SNX24: variants seen among roughly 807,000 people sequenced by gnomAD.
SNX24 encodes sorting nexin-24.
Under a neutral mutation model 28.7 loss-of-function variants are expected in SNX24, and 22 were observed. The ratio of observed to expected loss-of-function variants is 0.77; its 90% CI spans 0.55 to 1.10. SNX24 has a LOEUF of 1.10. SNX24 is among the 50% of genes least tolerant of loss of function. The pLI, the probability that SNX24 is intolerant of heterozygous loss-of-function variation, is 0.00. For synonymous variants in SNX24, 69 were observed against 71.5 expected (o/e 0.96, Z 0.18); for missense variants, 221 against 201.1 (o/e 1.10, Z -0.60).
At chr5:122,913,631 G>A (rs1320268179) in intron 1 of SNX24, among the ~76,000 whole-genome samples, 10 of 152,174 alleles carry the variant, frequency 6.6e-5, no homozygotes, top group Admixed American at 4.6e-4. Flanking sequence ...CAGACGGGGC[G>A]GCTGCCAGGC....
At chr5:122,967,249 T>TCAG in intron 3 of SNX24, among the ~76,000 whole-genome samples, 1 of 152,188 alleles carries the variant, frequency 6.6e-6, no homozygotes, top group African/African-American at 2.4e-5. Context: ...CCATACTAGC[T>TCAG]CAGCAGCAGC....
Position 122,896,872 on chromosome 5 carries a change from T to C in SNX24, c.61-39862T>C, listed in dbSNP as rs144981525. On this transcript the variant is annotated intron_variant, in intron 1 of 6. Transcript: ENST00000261369. Reference sequence around the variant, plus strand: ...GTGACTCCCTTCAGCCAAACATTGATCTTAGTAAGGTCTGAGGTTTAACTC... The same window carrying C: ...GTGACTCCCTTCAGCCAAACATTGACCTTAGTAAGGTCTGAGGTTTAACTC... 6.9e-4 allele frequency among the ~76,000 whole-genome samples: 105 copies of C among 152,330 alleles called. 1 individual carries two copies. The highest frequency in any genetic ancestry group is 2.4e-3 in the African/African-American group (101 of 41,584).
intron 2 of SNX24, among the ~76,000 whole-genome samples, chr5:122,938,462 C>G (rs1396479953): frequency 6.6e-6 from 1 of 152,112 alleles, no homozygotes; most frequent in Non-Finnish European, 1.5e-5. Flanking sequence ...ATATTGTTGG[C>G]AGCCTTGTTA....
intron 1 of SNX24, among the ~76,000 whole-genome samples, chr5:122,890,831 A>G (rs905517196): frequency 1.4e-4 from 21 of 152,120 alleles, no homozygotes; most frequent in African/African-American, 4.8e-4. Flanking sequence ...TACCCAATAT[A>G]TCTTTCAGGA....
intron 1 of SNX24, among the ~76,000 whole-genome samples, chr5:122,889,032 T>C (rs1472704853): frequency 6.6e-6 from 1 of 152,162 alleles, no homozygotes; most frequent in Non-Finnish European, 1.5e-5. Context: ...TTTGTATTTT[T>C]GGTAGAGATG....
chr5:122,961,232 A>C (rs1037708235), intron 3 of SNX24, among the ~76,000 whole-genome samples: 2 of 152,072 alleles, frequency 1.3e-5, no homozygotes, highest in African/African-American at 4.8e-5. Context: ...TGCCACCCTA[A>C]CCCTGACAAC....
intron 2 of SNX24, among the ~76,000 whole-genome samples, chr5:122,940,395 G>C: frequency 6.6e-6 from 1 of 152,038 alleles, no homozygotes. Flanking sequence ...CTCTGCTGCA[G>C]ACCAGTTTTC....
chr5:122,871,813 C>G (rs1340233211), intron 1 of SNX24, among the ~76,000 whole-genome samples: 2 of 152,010 alleles, frequency 1.3e-5, no homozygotes, highest in East Asian at 3.9e-4. Context: ...CCTCATCCTG[C>G]TCGAGGAAGT....
intron 1 of SNX24, among the ~76,000 whole-genome samples, chr5:122,883,951 C>T (rs188274289): frequency 1.2e-4 from 19 of 152,260 alleles, no homozygotes; most frequent in Non-Finnish European, 1.8e-4. Flanking sequence ...CAGTACTCCT[C>T]GCCACATCAT....
chr5:123,003,419 A>G (rs1286349542), intron 6 of SNX24, among the ~76,000 whole-genome samples: 1 of 152,242 alleles, frequency 6.6e-6, no homozygotes, highest in Non-Finnish European at 1.5e-5. Context: ...ATATTTAACA[A>G]ATATTCATAA....
chr5:123,028,706 G>T, intron 5 of SNX24: 3 of 1,252,250 alleles, frequency 2.4e-6, no homozygotes, highest in Non-Finnish European at 3.4e-6. Context: ...CAACAGACTG[G>T]GTTCATATAC....
chr5:123,026,040 CT>C, intron 5 of SNX24: 1 of 1,332,018 alleles, frequency 7.5e-7, no homozygotes, highest in Non-Finnish European at 1.0e-6. Flanking sequence ...AACATAAGGC[CT>C]TAGAGGAATC....
At chr5:122,994,054 A>ATGTGTG in intron 3 of SNX24, among the ~76,000 whole-genome samples, 1 of 151,784 alleles carries the variant, frequency 6.6e-6, no homozygotes, top group South Asian at 2.1e-4. Context: ...GTGTGTGTGT[A>ATGTGTG]TGTGTGTGTG....
At chr5:122,865,040 T>A (rs1356044225) in intron 1 of SNX24, among the ~76,000 whole-genome samples, 1 of 152,260 alleles carries the variant, frequency 6.6e-6, no homozygotes, top group Non-Finnish European at 1.5e-5. Flanking sequence ...TCTCTTTCAC[T>A]GTCTCAGCCA....
chr5:122,945,973 T>A, intron 2 of SNX24, 82 bp from the exon 3 acceptor site: 1 of 698,878 alleles, frequency 1.4e-6, no homozygotes, highest in East Asian at 3.0e-5. Flanking sequence ...TTATTGGCCT[T>A]TTTTCCCCAA....
intron 1 of SNX24, among the ~76,000 whole-genome samples, chr5:122,900,674 C>T (rs145152386): frequency 2.8e-4 from 43 of 152,058 alleles, no homozygotes; most frequent in African/African-American, 8.4e-4. Context: ...GAGGCTGAGG[C>T]GGGAGGATTG....
At chr5:122,858,610 CTG>C (rs1325738189) in intron 1 of SNX24, among the ~76,000 whole-genome samples, 1 of 152,196 alleles carries the variant, frequency 6.6e-6, no homozygotes, top group Non-Finnish European at 1.5e-5. Flanking sequence ...TCCATAGGGA[CTG>C]TGGTATTATG....
intron 1 of SNX24, among the ~76,000 whole-genome samples, chr5:122,935,194 G>A (rs966597732): frequency 6.6e-6 from 1 of 152,004 alleles, no homozygotes; most frequent in African/African-American, 2.4e-5. Flanking sequence ...GCTACATATC[G>A]TCCTGATTTC....
chr5:123,004,091 G>T (rs538187510), intron 6 of SNX24, among the ~76,000 whole-genome samples: 2 of 152,124 alleles, frequency 1.3e-5, no homozygotes, highest in African/African-American at 4.8e-5. Context: ...AGGATATTGC[G>T]TATGGAAATT....
Sources: gnomAD v4.1 joint callset for allele counts (sites outside exome capture counted in the v4.1 genomes callset) on GRCh38, gnomAD v4.1.1 for gene constraint, MANE v1.5 for transcripts, NCBI Gene and HGNC (gene_info 2026-07-23, HGNC 2026-07-21) for gene names.